HCN1: variants seen among roughly 807,000 people sequenced by gnomAD.
The protein encoded by HCN1 is potassium/sodium hyperpolarization-activated cyclic nucleotide-gated channel 1.
A neutral mutation model predicts 78.9 loss-of-function variants in HCN1; 13 were observed. The ratio of observed to expected loss-of-function variants is 0.16; its 90% confidence interval spans 0.11 to 0.26. HCN1 has a LOEUF of 0.26. Among genes scored for constraint, HCN1 ranks in the 10% least tolerant of loss-of-function variants. HCN1 has a pLI of 1.00. For synonymous variants in HCN1, 552 were observed against 455.5 expected (o/e 1.21, Z -2.70); for missense variants, 810 against 1,154.3 (o/e 0.70, Z 4.32).
chr5:45,370,769 T>A (rs1747337672), intron 4 of HCN1, among the ~76,000 whole-genome samples: 1 of 152,090 alleles, frequency 6.6e-6, no homozygotes, highest in Non-Finnish European at 1.5e-5. Context: ...TGTAGAATGG[T>A]ATTCTTACTC....
At chr5:45,563,189 C>T (rs1030329540) in intron 2 of HCN1, among the ~76,000 whole-genome samples, 8 of 152,100 alleles carry the variant, frequency 5.3e-5, no homozygotes, top group African/African-American at 1.7e-4. Flanking sequence ...GTGGCTCACG[C>T]CTGTAATCCC....
intron 5 of HCN1, among the ~76,000 whole-genome samples, chr5:45,318,126 T>C (rs1014848979): frequency 6.6e-6 from 1 of 152,174 alleles, no homozygotes; most frequent in Non-Finnish European, 1.5e-5. Context: ...TTATGTTTAT[T>C]GTGTCACTAT....
intron 2 of HCN1, among the ~76,000 whole-genome samples, chr5:45,479,217 G>T (rs1271271418): frequency 6.6e-6 from 1 of 151,986 alleles, no homozygotes; most frequent in East Asian, 1.9e-4. Flanking sequence ...GACTCCTAAA[G>T]AAATTCAGTA....
intron 2 of HCN1, among the ~76,000 whole-genome samples, chr5:45,496,335 T>C (rs1171939251): frequency 6.6e-6 from 1 of 151,590 alleles, no homozygotes; most frequent in Non-Finnish European, 1.5e-5. Flanking sequence ...CTTGGGAGAG[T>C]GTATGTGTCG....
At chr5:45,465,490 C>A (rs1041970261) in intron 2 of HCN1, among the ~76,000 whole-genome samples, 1 of 152,076 alleles carries the variant, frequency 6.6e-6, no homozygotes, top group African/African-American at 2.4e-5. Context: ...GGTGCGGGGG[C>A]TCACACCTGT....
intron 4 of HCN1, among the ~76,000 whole-genome samples, chr5:45,388,243 C>T (rs1747967216): frequency 6.6e-6 from 1 of 152,176 alleles, no homozygotes; most frequent in African/African-American, 2.4e-5. Context: ...ACCTAAATCT[C>T]TTCTCTGCTT....
At chr5:45,309,865 T>C (rs778789502) in intron 5 of HCN1, among the ~76,000 whole-genome samples, 5 of 152,152 alleles carry the variant, frequency 3.3e-5, no homozygotes, top group Admixed American at 6.5e-5. Flanking sequence ...GGTATCAGGA[T>C]GATGCTTCCC....
At chr5:45,511,043 T>G (rs1167527175) in intron 2 of HCN1, among the ~76,000 whole-genome samples, 3 of 152,080 alleles carry the variant, frequency 2.0e-5, no homozygotes, top group Non-Finnish European at 4.4e-5. Flanking sequence ...AGGTTAATGA[T>G]AAATTTTTAA....
intron 6 of HCN1, among the ~76,000 whole-genome samples, chr5:45,301,729 A>AT (rs1445083678): frequency 5.3e-5 from 8 of 151,452 alleles, no homozygotes; most frequent in Admixed American, 4.6e-4. Context: ...ATTTAAAAAA[A>AT]AAAAAAAAAA....
At chr5:45,374,622 G>A (rs1004578873) in intron 4 of HCN1, among the ~76,000 whole-genome samples, 10 of 150,272 alleles carry the variant, frequency 6.7e-5, no homozygotes, top group Admixed American at 6.1e-4. Flanking sequence ...AACTTGGGGA[G>A]GGACTCCTTC....
At chr5:45,510,388 A>T (rs1390082430) in intron 2 of HCN1, among the ~76,000 whole-genome samples, 1 of 152,120 alleles carries the variant, frequency 6.6e-6, no homozygotes, top group African/African-American at 2.4e-5. Context: ...TGACTAGAGT[A>T]TCGACTCAAT....
chr5:45,560,087 A>G (rs1743563509), intron 2 of HCN1: 1 of 152,192 alleles, frequency 6.6e-6, no homozygotes, highest in Non-Finnish European at 1.5e-5. Flanking sequence ...CATAGTTTAT[A>G]GTATAGTGTA....
chr5:45,408,000 C>A (rs1739958173), intron 3 of HCN1, among the ~76,000 whole-genome samples: 1 of 151,320 alleles, frequency 6.6e-6, no homozygotes, highest in Admixed American at 6.6e-5. Flanking sequence ...AAGAAAAAAT[C>A]AAATAGAAAA....
intron 2 of HCN1, among the ~76,000 whole-genome samples, chr5:45,626,465 G>C (rs999737407): frequency 6.6e-6 from 1 of 152,066 alleles, no homozygotes; most frequent in Non-Finnish European, 1.5e-5. Flanking sequence ...TCCTACTAGA[G>C]ACAGAGTAGC....
intron 2 of HCN1, among the ~76,000 whole-genome samples, chr5:45,505,234 G>A (rs1028003242): frequency 6.6e-6 from 1 of 152,004 alleles, no homozygotes; most frequent in Non-Finnish European, 1.5e-5. Flanking sequence ...TATGGTTTTA[G>A]GTCTAACATT....
At chr5:45,309,806 A>C (rs1480888989) in intron 5 of HCN1, among the ~76,000 whole-genome samples, 1 of 152,102 alleles carries the variant, frequency 6.6e-6, no homozygotes, top group East Asian at 1.9e-4. Flanking sequence ...ATGTTCATCA[A>C]GGATATTGGG....
chr5:45,587,281 A>G (rs950167532), intron 2 of HCN1, among the ~76,000 whole-genome samples: 2 of 152,206 alleles, frequency 1.3e-5, no homozygotes, highest in African/African-American at 4.8e-5. Context: ...TCACAACAGC[A>G]AAGACTTGGA....
chr5:45,407,075 A>G (rs1228984955), intron 3 of HCN1, among the ~76,000 whole-genome samples: 5 of 152,174 alleles, frequency 3.3e-5, no homozygotes, highest in African/African-American at 7.2e-5. Context: ...GACAGGTTCA[A>G]TCTGAAACAC....
At chr5:45,422,354 C>T (rs964934380) in intron 3 of HCN1, among the ~76,000 whole-genome samples, 1 of 152,008 alleles carries the variant, frequency 6.6e-6, no homozygotes, top group Non-Finnish European at 1.5e-5. Flanking sequence ...TAATATTTTT[C>T]TCTTGTTAAT....
Sources: gnomAD v4.1 joint callset for allele counts (sites outside exome capture counted in the v4.1 genomes callset) on GRCh38, gnomAD v4.1.1 for gene constraint, MANE v1.5 for transcripts, NCBI Gene and HGNC (gene_info 2026-07-23, HGNC 2026-07-21) for gene names.